NXN: variants seen among roughly 807,000 people sequenced by gnomAD.
NXN encodes nucleoredoxin.
Under a neutral mutation model 48.6 loss-of-function variants are expected in NXN, and 16 were observed. That is an observed-to-expected ratio of 0.33 (90% CI 0.22 to 0.50). NXN has a LOEUF of 0.50. Among genes scored for constraint, NXN ranks in the 20% least tolerant of loss-of-function variants. The pLI is 0.98. For missense variants in NXN, 492 were observed against 605.5 expected (o/e 0.81, Z 1.97); for synonymous variants, 281 against 269.6 (o/e 1.04, Z -0.41).
At chr17:862,986 GA>G in intron 1 of NXN, among the ~76,000 whole-genome samples, 1 of 152,138 alleles carries the variant, frequency 6.6e-6, no homozygotes, top group Non-Finnish European at 1.5e-5. Flanking sequence ...GTTTAGGAAT[GA>G]AATATCATGA....
chr17:853,723 AT>A lies in NXN; in HGVS notation c.361-27646del, dbSNP rs1221156589. On this transcript the variant is annotated intron_variant, in intron 1 of 7. Coordinates refer to ENST00000336868, the MANE Select transcript of NXN (RefSeq NM_022463.5). Reference sequence around the variant, plus strand: ...TACACATATATATATATATATATATATTTTTTTTTTTTTTTCCAAGACGGAG... The same window carrying A: ...TACACATATATATATATATATATATATTTTTTTTTTTTTTCCAAGACGGAG... Among the ~76,000 whole-genome samples the A allele has an allele frequency of 5.2e-3, 552 of 105,944 alleles. 2 individuals are homozygous for A. The highest frequency in any genetic ancestry group is 5.6e-3 in the Non-Finnish European group (318 of 56,320). 69.5% of individuals were successfully genotyped at this position (105,944 alleles called of 152,430 possible). A position where few individuals can be genotyped will look rare whatever the true frequency, so the allele number is the denominator to read the frequency against.
At chr17:897,800 C>T (rs2068502323) in intron 1 of NXN, among the ~76,000 whole-genome samples, 1 of 152,176 alleles carries the variant, frequency 6.6e-6, no homozygotes, top group African/African-American at 2.4e-5. Context: ...CTCAGCCTCC[C>T]GAGTAGCTGG....
At chr17:875,544 C>G (rs567088381) in intron 1 of NXN, among the ~76,000 whole-genome samples, 1 of 152,010 alleles carries the variant, frequency 6.6e-6, no homozygotes, top group Admixed American at 6.6e-5. Context: ...AGCAGAAGAT[C>G]GAATCAGACT....
At chr17:961,265 G>A (rs535966892) in intron 1 of NXN, among the ~76,000 whole-genome samples, 2 of 152,002 alleles carry the variant, frequency 1.3e-5, no homozygotes, top group South Asian at 2.1e-4. Context: ...GTGGTGGCGC[G>A]TGCCTGCCAC....
At chr17:968,579 G>T (rs1043042201) in intron 1 of NXN, among the ~76,000 whole-genome samples, 9 of 151,910 alleles carry the variant, frequency 5.9e-5, no homozygotes, top group Admixed American at 5.9e-4. Flanking sequence ...ACACAAACAA[G>T]CAAACAATCA....
intron 1 of NXN, among the ~76,000 whole-genome samples, chr17:923,853 C>T (rs2068771330): frequency 6.6e-6 from 1 of 152,086 alleles, no homozygotes. Flanking sequence ...AGATGAAACA[C>T]TTGGTAATAT....
chr17:858,065 G>A (rs908107398), intron 1 of NXN, among the ~76,000 whole-genome samples: 1 of 151,174 alleles, frequency 6.6e-6, no homozygotes, highest in African/African-American at 2.4e-5. Context: ...CGACCTCCCA[G>A]GCTCAAGTGA....
chr17:893,069 A>C (rs954646387), intron 1 of NXN, among the ~76,000 whole-genome samples: 2 of 152,260 alleles, frequency 1.3e-5, no homozygotes, highest in African/African-American at 4.8e-5. Context: ...TTAAAAATTT[A>C]AAGTCTTCAG....
At chr17:900,289 A>C (rs930940990) in intron 1 of NXN, among the ~76,000 whole-genome samples, 11 of 147,096 alleles carry the variant, frequency 7.5e-5, no homozygotes, top group South Asian at 2.2e-4. Flanking sequence ...GGAAAAAAAA[A>C]CACAAACTTT....
chr17:974,813 T>TTTTA (rs34003449), intron 1 of NXN, among the ~76,000 whole-genome samples: 2,848 of 150,234 alleles, frequency 0.019, 42 homozygotes, highest in South Asian at 0.042. Context: ...ATTACTTTAT[T>TTTTA]TTTATTTATT....
chr17:829,281 G>T (rs574850527), intron 1 of NXN, among the ~76,000 whole-genome samples: 4 of 151,398 alleles, frequency 2.6e-5, no homozygotes, highest in Admixed American at 6.6e-5. Flanking sequence ...TCAGCCTCCC[G>T]AGTAGCTGGG....
intron 1 of NXN, chr17:897,156 G>A (rs1006904679): frequency 3.0e-6 from 2 of 664,958 alleles, no homozygotes; most frequent in African/African-American, 4.0e-5. Flanking sequence ...CTCCTGGCAG[G>A]TCCCAGGCAA....
At chr17:807,673 T>C (rs1911645032) in intron 5 of NXN, among the ~76,000 whole-genome samples, 1 of 152,182 alleles carries the variant, frequency 6.6e-6, no homozygotes, top group Non-Finnish European at 1.5e-5. Flanking sequence ...TTGGGCCGCG[T>C]GACTGTCTGC....
chr17:873,493 C>CAA (rs71145783), intron 1 of NXN, among the ~76,000 whole-genome samples: 21 of 74,988 alleles, frequency 2.8e-4, no homozygotes, highest in African/African-American at 6.9e-4. Flanking sequence ...ACACTGTCTC[C>CAA]AAAAAAAAAA....
chr17:827,463 A>G (rs1184779208), intron 1 of NXN, among the ~76,000 whole-genome samples: 1 of 152,082 alleles, frequency 6.6e-6, no homozygotes. Context: ...TCTACTAAAA[A>G]TTACAAAAAA....
rs1237308193 is a variant in NXN, at chr17:956,448, T to C, written c.360+22871A>G. On this transcript the variant is annotated intron_variant, in intron 1 of 7. Transcript: ENST00000336868. The surrounding 1 kb of genome is among the most constrained non-coding windows in gnomAD (Gnocchi z 4.1). ...TTTATTTTGAGACAGAGATTCTCTC[T>C]TGTCACCCAGGCTGGAGTGCAACGG... is the stretch of plus-strand genomic sequence containing the variant. Among the ~76,000 whole-genome samples the C allele has an allele frequency of 6.6e-6, 1 of 152,056 alleles. No individual in the cohort carries two copies. Among genetic ancestry groups the C allele is most frequent in the Non-Finnish European group, 1.5e-5 (1 of 68,014 alleles).
At chr17:912,318 T>C (rs988803802) in intron 1 of NXN, among the ~76,000 whole-genome samples, 1 of 152,102 alleles carries the variant, frequency 6.6e-6, no homozygotes, top group South Asian at 2.1e-4. Flanking sequence ...CCAACGTTGT[T>C]TGAGGGTCAA....
intron 1 of NXN, among the ~76,000 whole-genome samples, chr17:866,884 T>C (rs1363746075): frequency 6.6e-6 from 1 of 152,238 alleles, no homozygotes; most frequent in African/African-American, 2.4e-5. Context: ...CTGCAAACCC[T>C]CAGCTGGTGC....
At chr17:833,197 T>C (rs1315773467) in intron 1 of NXN, among the ~76,000 whole-genome samples, 1 of 152,018 alleles carries the variant, frequency 6.6e-6, no homozygotes, top group Non-Finnish European at 1.5e-5. Context: ...GGCCGAAAAG[T>C]TATTTCTTTT....
Sources: allele counts gnomAD v4.1 joint callset (sites outside exome capture counted in the v4.1 genomes callset), GRCh38; gene constraint gnomAD v4.1.1; non-coding constraint Gnocchi (gnomAD v3.1); transcripts MANE v1.5; gene names NCBI Gene and HGNC (gene_info 2026-07-23, HGNC 2026-07-21).